The following MYO18B variants were observed in gnomAD, a reference collection of about 807,000 sequenced individuals.
MYO18B encodes the protein myosin XVIIIB.
A neutral mutation model predicts 273.0 loss-of-function variants in MYO18B; 204 were observed. The ratio of observed to expected loss-of-function variants is 0.75; its 90% CI spans 0.67 to 0.84. The LOEUF (loss-of-function observed/expected upper bound fraction) is 0.84, where lower values mean the gene tolerates loss of function less well. Among genes scored for constraint, MYO18B ranks in the 40% least tolerant of loss-of-function variants. The pLI is 0.00. For missense variants in MYO18B, 3,212 were observed against 3,287.6 expected (o/e 0.98, Z 0.56); for synonymous variants, 1,330 against 1,305.7 (o/e 1.02, Z -0.40).
chr22:25,923,227 A>G (rs1010032091), intron 34 of MYO18B, among the ~76,000 whole-genome samples: 20 of 152,346 alleles, frequency 1.3e-4, no homozygotes, highest in African/African-American at 3.8e-4. Flanking sequence ...TCCATCTTGA[A>G]AATTCTGCGA....
chr22:25,757,911 C>G (rs2086176366), intron 1 of MYO18B, among the ~76,000 whole-genome samples: 1 of 152,190 alleles, frequency 6.6e-6, no homozygotes, highest in Non-Finnish European at 1.5e-5. Flanking sequence ...AATGATTCTG[C>G]AAATGTTTCC....
At chr22:25,846,030 C>A in intron 18 of MYO18B, 70 bp from the exon 19 acceptor site, 3 of 1,367,326 alleles carry the variant, frequency 2.2e-6, no homozygotes, top group Non-Finnish European at 2.9e-6. Context: ...GTTCCCTTTG[C>A]CACCACCCAG....
intron 22 of MYO18B, among the ~76,000 whole-genome samples, chr22:25,870,629 G>T (rs1463070036): frequency 6.6e-6 from 1 of 152,178 alleles, no homozygotes; most frequent in African/African-American, 2.4e-5. Context: ...CTGTGGAATT[G>T]TTCTTCAGCT....
At position 25,948,500 on chromosome 22, in the gene MYO18B, CCT is replaced by C. The variant is rs145315954; in HGVS notation, c.5748+677_5748+678del. Among the ~76,000 whole-genome samples, 428 of 131,176 alleles carry C rather than the reference CCT, an allele frequency of 3.3e-3. 3 individuals are homozygous for C. The highest frequency in any genetic ancestry group is 5.2e-3 in the Non-Finnish European group (328 of 62,558). The allele number at this position is 131,176 out of a possible 152,430, so 86.1% of individuals were successfully genotyped here. ...TTTCTTTCTTTCTCTTTCTTTCTTT[CCT>C]CTCTTTTCTCTTTCCTTCTTTCTTT... On this transcript the variant is annotated intron_variant, in intron 36 of 43. Coordinates refer to ENST00000335473, the MANE Select transcript of MYO18B (RefSeq NM_032608.7).
intron 12 of MYO18B, among the ~76,000 whole-genome samples, chr22:25,803,106 C>T (rs2088295430): frequency 6.6e-6 from 1 of 151,922 alleles, no homozygotes; most frequent in Non-Finnish European, 1.5e-5. Context: ...GGACTACAGG[C>T]ATGTGCCACC....
intron 42 of MYO18B, among the ~76,000 whole-genome samples, chr22:26,011,676 T>C (rs1934935486): frequency 6.6e-6 from 1 of 152,222 alleles, no homozygotes; most frequent in South Asian, 2.1e-4. Flanking sequence ...TCCCTAAATT[T>C]CAATGGCCAA....
intron 42 of MYO18B, among the ~76,000 whole-genome samples, chr22:26,022,301 C>T (rs958507836): frequency 2.6e-5 from 4 of 151,916 alleles, no homozygotes; most frequent in Non-Finnish European, 5.9e-5. Flanking sequence ...TACTGGTCCC[C>T]GGATGAAGTC....
At chr22:26,044,099 C>G in the MYO18B span, among the ~76,000 whole-genome samples, 2 of 152,124 alleles carry the variant, frequency 1.3e-5, no homozygotes, top group Non-Finnish European at 2.9e-5. Flanking sequence ...GAGGTTGAAC[C>G]CATTTTCAAG....
chr22:25,895,403 A>AAGGT, intron 28 of MYO18B, 123 bp downstream of exon 28: 1 of 1,200,964 alleles, frequency 8.3e-7, no homozygotes, highest in Non-Finnish European at 1.1e-6. Flanking sequence ...CAAACCCCTT[A>AAGGT]AGGTTTTTCC....
At chr22:25,905,127 C>T (rs1216002707) in intron 31 of MYO18B, among the ~76,000 whole-genome samples, 3 of 151,926 alleles carry the variant, frequency 2.0e-5, no homozygotes, top group Non-Finnish European at 4.4e-5. Flanking sequence ...AGCAGATGAA[C>T]TCTGAGCAGC....
intron 21 of MYO18B, among the ~76,000 whole-genome samples, chr22:25,857,348 C>T (rs145688844): frequency 1.6e-4 from 25 of 152,286 alleles, no homozygotes; most frequent in South Asian, 4.1e-4. Context: ...TGATTTTAGC[C>T]GGCAAAATCT....
intron 39 of MYO18B, among the ~76,000 whole-genome samples, chr22:25,976,179 G>A (rs911522958): frequency 2.0e-5 from 3 of 152,150 alleles, no homozygotes; most frequent in Non-Finnish European, 2.9e-5. Flanking sequence ...GTACAGCATA[G>A]CCCTGTGTAA....
chr22:25,757,959 A>T (rs184738369), intron 1 of MYO18B, among the ~76,000 whole-genome samples: 1 of 152,332 alleles, frequency 6.6e-6, no homozygotes, highest in Non-Finnish European at 1.5e-5. Flanking sequence ...GGGGATGTGG[A>T]AAAAGATATA....
chr22:25,790,518 C>T (rs186078579), intron 11 of MYO18B, among the ~76,000 whole-genome samples: 130 of 152,284 alleles, frequency 8.5e-4, no homozygotes, highest in Non-Finnish European at 1.6e-3. Flanking sequence ...TGTCTCCCCT[C>T]GGCCCTAAGT....
chr22:25,973,546 G>A (rs1160772060), intron 39 of MYO18B, among the ~76,000 whole-genome samples: 2 of 152,108 alleles, frequency 1.3e-5, no homozygotes, highest in Non-Finnish European at 2.9e-5. Flanking sequence ...AATACCCTAG[G>A]ATGGTGTTGT....
At chr22:25,945,717 C>CA (rs2092697451) in intron 34 of MYO18B, among the ~76,000 whole-genome samples, 1 of 74,238 alleles carries the variant, frequency 1.3e-5, no homozygotes, top group African/African-American at 6.4e-5. Context: ...CCCTCGCCTC[C>CA]CCTCCCCTCC....
chr22:25,992,825 T>C (rs1008519869), intron 40 of MYO18B, among the ~76,000 whole-genome samples: 23 of 152,164 alleles, frequency 1.5e-4, no homozygotes, highest in African/African-American at 5.3e-4. Flanking sequence ...CATAATAATA[T>C]TAGGATGAAT....
At chr22:25,807,330 T>A (rs986217556) in intron 12 of MYO18B, among the ~76,000 whole-genome samples, 1 of 152,224 alleles carries the variant, frequency 6.6e-6, no homozygotes, top group Non-Finnish European at 1.5e-5. Context: ...TGGACTCAGA[T>A]TGAAGTAAGA....
In MYO18B at chr22:25,902,729, A is replaced by G; in HGVS notation, c.4940A>G (p.Gln1647Arg). Residue 1647 changes from glutamine (Q) to arginine (R), a missense_variant, in exon 30 of 44, where the codon CAG (glutamine) becomes CGG (arginine). Coordinates refer to ENST00000335473, the MANE Select transcript of MYO18B (RefSeq NM_032608.7). ...VRWELGQLQQ[Q>R]LKQKEQEASQ... ...TGGGAGCTAGGCCAGCTTCAGCAGC[A>G]GCTGAAGGTAAGGGATGGGGGACAC... 3 of 1,582,338 alleles carry G rather than the reference A, an allele frequency of 1.9e-6. No individual in the cohort carries two copies. Among genetic ancestry groups the G allele is most frequent in the Non-Finnish European group, 2.6e-6 (3 of 1,163,402 alleles).
Sources: gnomAD v4.1 joint callset for allele counts (sites outside exome capture counted in the v4.1 genomes callset) on GRCh38, gnomAD v4.1.1 for gene constraint, MANE v1.5 for transcripts, NCBI Gene and HGNC (gene_info 2026-07-23, HGNC 2026-07-21) for gene names.